The following MVP variants were observed in gnomAD, a reference collection of about 807,000 sequenced individuals.
MVP encodes the protein lung resistance-related protein.
In MVP, 62 loss-of-function variants were observed where a neutral mutation model predicts 83.5. The ratio of observed to expected loss-of-function variants is 0.74; its 90% CI spans 0.61 to 0.92. MVP has a LOEUF of 0.92. Ranked by LOEUF, MVP falls within the 40% of genes least tolerant of loss-of-function variation. The probability of loss-of-function intolerance (pLI) is 0.00; values close to 1 mark genes in which losing one functional copy is unlikely to be tolerated. For synonymous variants in MVP, 505 were observed against 504.1 expected, an observed-to-expected ratio of 1.00 and a Z score of -0.02; for missense variants, 1,000 against 1,203.4, an observed-to-expected ratio of 0.83 and a Z score of 2.50.
chr16:29,820,843 C>T (rs1191978061), intron 1 of MVP: 1 of 152,216 alleles, frequency 6.6e-6, no homozygotes, highest in African/African-American at 2.4e-5. Flanking sequence ...ATTCAGACCC[C>T]ATCTTAGCCC....
chr16:29,841,555 C>G lies in MVP; in HGVS notation c.1192-41C>G. ...ACAGCTGGGCGGATCTTCCTCCCTT[C>G]CACCCTTACGGGCAGCTTCCCTCCC... On this transcript the variant is annotated intron_variant, in intron 8 of 14. Coordinates refer to ENST00000357402, the MANE Select transcript of MVP (RefSeq NM_005115.5). This position sits in a 1 kb window ranked among gnomAD's most constrained non-coding sequence, Gnocchi z 4.7. 6.5e-7 allele frequency: 1 copy of G among 1,535,484 alleles called. No homozygotes were observed. The highest frequency in any genetic ancestry group is 1.3e-5 in the South Asian group (1 of 78,856).
chr16:29,840,545 G>C, intron 8 of MVP, 86 bp downstream of exon 8: 2 of 1,459,088 alleles, frequency 1.4e-6, no homozygotes, highest in Admixed American at 2.2e-5. Context: ...GAGGTGGGCA[G>C]GGACTTCAGC....
chr16:29,838,492 A>G (rs1180367368), intron 7 of MVP, among the ~76,000 whole-genome samples: 1 of 152,084 alleles, frequency 6.6e-6, no homozygotes, highest in Admixed American at 6.6e-5. Context: ...TGGATAAAAA[A>G]TTGTAGCATA....
chr16:29,836,595 A>G lies in MVP; in HGVS notation c.673-127A>G, dbSNP rs1262922645. ...TCCGATTTAAAAAAAAAAAAAAACA[A>G]TCCCTGGATTGGTAGAAATTGTCTC... On this transcript the variant is annotated intron_variant, in intron 6 of 14. Transcript: ENST00000357402. 7.7e-6 allele frequency: 6 copies of G among 782,584 alleles called. No homozygotes were observed. In the East Asian group the frequency reaches 1.1e-4, roughly 14 times the overall value. 48.5% of individuals were successfully genotyped at this position (782,584 alleles called of 1,614,324 possible). A position where few individuals can be genotyped will look rare whatever the true frequency, so the allele number is the denominator to read the frequency against.
At position 29,843,589 on chromosome 16, in the gene MVP, G is replaced by A. The variant is rs1354495536; in HGVS notation, c.1635-904G>A. 1.4e-3 allele frequency among the ~76,000 whole-genome samples: 146 copies of A among 105,156 alleles called. 7 individuals carry two copies. The highest frequency in any genetic ancestry group is 5.0e-3 in the African/African-American group (133 of 26,754). The allele number at this position is 105,156 out of a possible 152,430, so 69.0% of individuals were successfully genotyped here. A position where few individuals can be genotyped will look rare whatever the true frequency, so the allele number is the denominator to read the frequency against. ...GGGAGGGAGGGAGGGAGGAAGGGAG[G>A]AAGGGAGGGAGGGAGGGTCAGGCGT... On this transcript the variant is annotated intron_variant, in intron 10 of 14. Coordinates refer to ENST00000357402, the MANE Select transcript of MVP (RefSeq NM_005115.5).
rs576562937 is a variant in MVP at position 29,841,131 on chromosome 16, T to A, written c.1192-465T>A. Among the ~76,000 whole-genome samples, 3 of 152,102 alleles carry A rather than the reference T, an allele frequency of 2.0e-5. No individual in the cohort carries two copies. The highest frequency in any genetic ancestry group is 4.4e-5 in the Non-Finnish European group (3 of 67,980). On this transcript the variant is annotated intron_variant, in intron 8 of 14. Transcript: ENST00000357402. This position sits in a 1 kb window ranked among gnomAD's most constrained non-coding sequence, Gnocchi z 4.7. ...GCTTCACCTAAAACCTTGACCTTGA[T>A]TTGACCTCGGGCCACATCTCCAACC...
chr16:29,844,918 T>A (rs1052601360), intron 11 of MVP, 39 bp downstream of exon 11: 1 of 1,566,722 alleles, frequency 6.4e-7, no homozygotes, highest in Non-Finnish European at 8.6e-7. Context: ...ATAATGCCCA[T>A]GGCAGGCCAC....
intron 10 of MVP, among the ~76,000 whole-genome samples, chr16:29,843,474 A>AACAGAGACCC (rs1418331233): frequency 1.6e-4 from 23 of 140,000 alleles, no homozygotes; most frequent in Non-Finnish European, 2.6e-4. Context: ...CAGCCTGGAC[A>AACAGAGACCC]ACAGAGACCC....
chr16:29,831,093 C>T lies in MVP; in HGVS notation c.321+20C>T, dbSNP rs762079847. 3.1e-6 allele frequency: 5 copies of T among 1,602,568 alleles called. No individual in the cohort carries two copies. Among genetic ancestry groups the T allele is most frequent in the African/African-American group, 2.7e-5 (2 of 74,774 alleles). On this transcript the variant is annotated intron_variant, in intron 3 of 14. Coordinates refer to ENST00000357402, the MANE Select transcript of MVP (RefSeq NM_005115.5). ...GAAAAGGTACCTGGTTTCCTCACTC[C>T]CTATGCCCCACCCTACCTGTCCTCC...
intron 1 of MVP, chr16:29,830,263 G>T (rs971467741): frequency 3.0e-4 from 89 of 298,340 alleles, no homozygotes; most frequent in African/African-American, 1.9e-3. Flanking sequence ...AAAGGAATTG[G>T]CAAGGAACCC....
Position 29,830,634 on chromosome 16 carries a change from G to C in MVP, c.85G>C (p.Glu29Gln). The change falls in exon 2 of 15, where the codon GAG (glutamate) becomes CAG (glutamine). Residue 29 changes from glutamate to glutamine, a missense_variant. Physicochemically the swap from Glu to Gln is conservative, Grantham distance 29 (BLOSUM62 2). Coordinates refer to ENST00000357402, the MANE Select transcript of MVP (RefSeq NM_005115.5). ...CCAGAACAGCAACGTGTCCCGTGTG[G>C]AGGTCGGGCCAAAGACCTACATCCG... The part of the protein sequence containing the change: ...LDQNSNVSRV[E>Q]VGPKTYIRQD... 1 of 1,614,084 alleles carries C rather than the reference G, an allele frequency of 6.2e-7. No individual in the cohort carries two copies. The highest frequency in any genetic ancestry group is 8.5e-7 in the Non-Finnish European group (1 of 1,180,018).
rs567768549 is a variant in MVP at position 29,830,835 on chromosome 16, G to T, written c.126-43G>T. On this transcript the variant is annotated intron_variant, in intron 2 of 14. Transcript: ENST00000357402. Reference sequence around the variant, plus strand: ...ATTTGGTGTCCTCTTTGGTAGTGGAGACCTGGTCCCAGGTCCTCACACCTC... The same window carrying T: ...ATTTGGTGTCCTCTTTGGTAGTGGATACCTGGTCCCAGGTCCTCACACCTC... 39 of 1,592,394 alleles carry T rather than the reference G, an allele frequency of 2.4e-5. 1 individual carries two copies. Among genetic ancestry groups the T allele is most frequent in the Non-Finnish European group, 3.1e-5 (36 of 1,165,814 alleles).
At chr16:29,845,084 A>G (rs747128932) in intron 11 of MVP, among the ~76,000 whole-genome samples, 1 of 151,806 alleles carries the variant, frequency 6.6e-6, no homozygotes, top group Non-Finnish European at 1.5e-5. Context: ...GCACTGTGAG[A>G]GGCTGAGGCA....
chr16:29,843,913 A>G (rs912927199), intron 10 of MVP, among the ~76,000 whole-genome samples: 2 of 152,098 alleles, frequency 1.3e-5, no homozygotes, highest in Non-Finnish European at 2.9e-5. Flanking sequence ...AGAATATTCA[A>G]TACTCCCAAG....
In MVP at chr16:29,841,577, T is replaced by C; in HGVS notation, c.1192-19T>C. 6.4e-7 allele frequency: 1 copy of C among 1,564,648 alleles called. No individual in the cohort carries two copies. Among genetic ancestry groups the C allele is most frequent in the Non-Finnish European group, 8.7e-7 (1 of 1,153,652 alleles). ...CTTCCACCCTTACGGGCAGCTTCCCTCCCTGTCCTCGTCCCAAGGTGCGCG... is the reference window on the plus strand; with the variant it reads ...CTTCCACCCTTACGGGCAGCTTCCCCCCCTGTCCTCGTCCCAAGGTGCGCG... On this transcript the variant is annotated intron_variant, in intron 8 of 14. Coordinates refer to ENST00000357402, the MANE Select transcript of MVP (RefSeq NM_005115.5). The surrounding 1 kb of genome is among the most constrained non-coding windows in gnomAD (Gnocchi z 4.7).
rs1412338421 is a variant in MVP, at chr16:29,836,825, A to G, written c.776A>G (p.His259Arg). The change falls in exon 7 of 15, where the codon CAC (histidine) becomes CGC (arginine). Residue 259 changes from histidine to arginine, a missense_variant. By Grantham distance (29) the His-to-Arg change is conservative. Transcript: ENST00000357402. Reference protein sequence around the residue: ...WLVTVQDTEAHVPDVHEEVLG... With the variant: ...WLVTVQDTEARVPDVHEEVLG... ...GTAACAGTGCAGGACACAGAGGCCC[A>G]CGTGCCAGATGTCCACGAGGAGGTG... 1.2e-6 allele frequency: 2 copies of G among 1,613,676 alleles called. No homozygotes were observed. Among genetic ancestry groups the G allele is most frequent in the African/African-American group, 2.7e-5 (2 of 74,912 alleles).
intron 1 of MVP, among the ~76,000 whole-genome samples, chr16:29,824,474 C>T (rs370465014): frequency 6.6e-6 from 1 of 152,042 alleles, no homozygotes; most frequent in African/African-American, 2.4e-5. Flanking sequence ...CCATTTAAGA[C>T]TCACTAGGGG....
Position 29,836,826 on chromosome 16 carries a change from C to G in MVP, c.777C>G (p.His259Gln), listed in dbSNP as rs375864007. The G allele has an allele frequency of 1.9e-6, 3 of 1,613,700 alleles. No homozygotes were observed. The East Asian group carries it at 6.7e-5, about 36-fold the overall frequency. The change falls in exon 7 of 15, where the codon CAC becomes CAG. Residue 259 changes from histidine to glutamine, a missense_variant. His to Gln is a conservative substitution (Grantham distance 24, BLOSUM62 0). Coordinates refer to ENST00000357402, the MANE Select transcript of MVP (RefSeq NM_005115.5). ...WLVTVQDTEA[H>Q]VPDVHEEVLG... Reference sequence around the variant, plus strand: ...TAACAGTGCAGGACACAGAGGCCCACGTGCCAGATGTCCACGAGGAGGTGC... The same window carrying G: ...TAACAGTGCAGGACACAGAGGCCCAGGTGCCAGATGTCCACGAGGAGGTGC...
chr16:29,838,249 C>T (rs1215532561), intron 7 of MVP, among the ~76,000 whole-genome samples: 11 of 152,110 alleles, frequency 7.2e-5, no homozygotes, highest in African/African-American at 2.4e-4. Context: ...TCCTGGCCAA[C>T]ATGGCAAAAC....
Sources: allele counts gnomAD v4.1 joint callset (sites outside exome capture counted in the v4.1 genomes callset), GRCh38; gene constraint gnomAD v4.1.1; non-coding constraint Gnocchi (gnomAD v3.1); transcripts MANE v1.5; gene names NCBI Gene and HGNC (gene_info 2026-07-23, HGNC 2026-07-21).